RAB3GAP2: variants seen among roughly 807,000 people sequenced by gnomAD.
RAB3GAP2 encodes the protein RAB3 GTPase activating non-catalytic protein subunit 2.
Under a neutral mutation model 185.3 loss-of-function variants are expected in RAB3GAP2, and 87 were observed. That is an observed-to-expected ratio of 0.47 (90% CI 0.39 to 0.56). The LOEUF (loss-of-function observed/expected upper bound fraction) is 0.56. Among genes scored for constraint, RAB3GAP2 ranks in the 20% least tolerant of loss-of-function variants. The pLI, the probability that RAB3GAP2 is intolerant of heterozygous loss-of-function variation, is 0.00. For synonymous variants in RAB3GAP2, 554 were observed against 576.1 expected (o/e 0.96, Z 0.55); for missense variants, 1,492 against 1,638.2 (o/e 0.91, Z 1.54).
rs1343782054 is a variant in RAB3GAP2, at chr1:220,250,512, C to T, written c.116-17649G>A. 3.3e-5 allele frequency among the ~76,000 whole-genome samples: 5 copies of T among 152,120 alleles called. No individual in the cohort carries two copies. The East Asian group carries it at 9.6e-4, about 29-fold the overall frequency. ...TTGGACTTGAACATTTGAGTTAATG[C>T]TAAAATAAGTTAAGACTCTGGGGGA... is the stretch of plus-strand genomic sequence containing the variant. On this transcript the variant is annotated intron_variant, in intron 1 of 34. Transcript: ENST00000358951.
intron 2 of RAB3GAP2, among the ~76,000 whole-genome samples, chr1:220,216,638 A>C (rs538520211): frequency 1.3e-5 from 2 of 152,304 alleles, no homozygotes; most frequent in East Asian, 3.9e-4. Flanking sequence ...ATTGCTTTTG[A>C]TAAGAAATTA....
intron 1 of RAB3GAP2, among the ~76,000 whole-genome samples, chr1:220,260,744 CTTAAAAG>C (rs763536049): frequency 6.6e-5 from 10 of 152,108 alleles, no homozygotes; most frequent in Non-Finnish European, 1.3e-4. Flanking sequence ...CATCCCTGAA[CTTAAAAG>C]TTGAAGAAGA....
intron 1 of RAB3GAP2, chr1:220,267,792 C>T: frequency 6.8e-7 from 1 of 1,470,928 alleles, no homozygotes. Context: ...CTGAGCCTGG[C>T]CACTATTTGC....
At chr1:220,212,373 T>C (rs1340222104) in intron 4 of RAB3GAP2, among the ~76,000 whole-genome samples, 1 of 152,234 alleles carries the variant, frequency 6.6e-6, no homozygotes, top group African/African-American at 2.4e-5. Flanking sequence ...ACAGAATTTT[T>C]TAAAAACATA....
At chr1:220,261,988 T>C (rs1660145312) in intron 1 of RAB3GAP2, among the ~76,000 whole-genome samples, 1 of 151,962 alleles carries the variant, frequency 6.6e-6, no homozygotes, top group Non-Finnish European at 1.5e-5. Flanking sequence ...ATTTTGTATT[T>C]TGGTTAAAAA....
At chr1:220,229,438 A>G (rs1553280671) in intron 2 of RAB3GAP2, among the ~76,000 whole-genome samples, 1 of 152,218 alleles carries the variant, frequency 6.6e-6, no homozygotes. Context: ...ACCCCATTGC[A>G]TAGCACATTT....
chr1:220,239,050 C>T (rs1312345277), intron 1 of RAB3GAP2, among the ~76,000 whole-genome samples: 2 of 151,912 alleles, frequency 1.3e-5, no homozygotes, highest in African/African-American at 4.8e-5. Flanking sequence ...CCGCATATAC[C>T]CCCATAAAAG....
intron 8 of RAB3GAP2, among the ~76,000 whole-genome samples, chr1:220,202,901 C>T (rs1230640868): frequency 6.6e-6 from 1 of 152,174 alleles, no homozygotes; most frequent in African/African-American, 2.4e-5. Flanking sequence ...TGAGATCACG[C>T]CACTGCACTC....
chr1:220,204,974 A>G (rs941338487), intron 8 of RAB3GAP2, among the ~76,000 whole-genome samples: 14 of 151,560 alleles, frequency 9.2e-5, no homozygotes, highest in African/African-American at 3.4e-4. Flanking sequence ...TTCTTAATCC[A>G]GTCTATCATT....
At chr1:220,195,465 T>A in intron 10 of RAB3GAP2, 88 bp from the exon 11 acceptor site, 1 of 1,266,960 alleles carries the variant, frequency 7.9e-7, no homozygotes, top group Non-Finnish European at 1.2e-6. Flanking sequence ...TTAAAATGCT[T>A]TGAAAAGTTG....
At chr1:220,169,315 G>A (rs1159876441) in intron 24 of RAB3GAP2, among the ~76,000 whole-genome samples, 1 of 152,202 alleles carries the variant, frequency 6.6e-6, no homozygotes, top group Non-Finnish European at 1.5e-5. Flanking sequence ...AACTAAAAAT[G>A]TAAGATGTTT....
At chr1:220,173,288 A>C (rs1013547963) in intron 21 of RAB3GAP2, among the ~76,000 whole-genome samples, 3 of 152,258 alleles carry the variant, frequency 2.0e-5, no homozygotes, top group African/African-American at 7.2e-5. Context: ...TGACTTTTAA[A>C]ATGGCTGTAA....
intron 2 of RAB3GAP2, among the ~76,000 whole-genome samples, chr1:220,230,763 G>T (rs1162664187): frequency 6.6e-6 from 1 of 152,038 alleles, no homozygotes; most frequent in African/African-American, 2.4e-5. Context: ...AAAGAGAATG[G>T]CATCTATTAC....
intron 1 of RAB3GAP2, chr1:220,267,114 T>G: frequency 7.0e-7 from 1 of 1,423,246 alleles, no homozygotes; most frequent in Non-Finnish European, 9.9e-7. Flanking sequence ...TTTCAAGCTC[T>G]CCAGCTGATC....
chr1:220,254,883 A>C (rs1453839903), intron 1 of RAB3GAP2, among the ~76,000 whole-genome samples: 1 of 151,608 alleles, frequency 6.6e-6, no homozygotes, highest in East Asian at 1.9e-4. Context: ...CTATATGACA[A>C]AATGCTCTGA....
Position 220,184,899 on chromosome 1 carries a change from TA to T in RAB3GAP2, c.1871-737del, listed in dbSNP as rs1001707769. Among the ~76,000 whole-genome samples the T allele has an allele frequency of 2.7e-3, 407 of 148,088 alleles. 2 individuals carry two copies. Among genetic ancestry groups the T allele is most frequent in the Admixed American group, 5.9e-3 (87 of 14,818 alleles). The stretch of plus-strand genomic sequence containing the variant: ...GCCAATGTCAGTTTTATGTATCTGT[TA>T]AAAAAAAAAGGTTGAAAAAGAGTCT... On this transcript the variant is annotated intron_variant, in intron 18 of 34. Transcript: ENST00000358951.
chr1:220,229,168 A>G (rs186643171), intron 2 of RAB3GAP2, among the ~76,000 whole-genome samples: 24 of 152,350 alleles, frequency 1.6e-4, no homozygotes, highest in African/African-American at 5.5e-4. Flanking sequence ...CAGCTGCAAT[A>G]GTGGCACATC....
rs1657974887 is a variant in RAB3GAP2 at position 220,162,211 on chromosome 1, T to C, written c.3212A>G (p.Tyr1071Cys). 1 of 1,578,332 alleles carries C rather than the reference T, an allele frequency of 6.3e-7. No homozygotes were observed. The highest frequency in any genetic ancestry group is 8.7e-7 in the Non-Finnish European group (1 of 1,147,676). ...AAACTACCTTACCTTATCCATTAAGTATGTAGCAGCAGAAAATCTTTTAAC... is the reference window on the plus strand; with the variant it reads ...AAACTACCTTACCTTATCCATTAAGCATGTAGCAGCAGAAAATCTTTTAAC... ...FLVKRFSAATYLMDKVGKSPK... is the reference protein window; with the variant it reads ...FLVKRFSAATCLMDKVGKSPK... The change falls in exon 28 of 35, where the codon TAC becomes TGC. Residue 1071 changes from tyrosine (Y) to cysteine (C), a missense_variant. By Grantham distance (194) the Tyr-to-Cys change is radical. Around this residue, in one of 5 missense-constraint regions of RAB3GAP2, gnomAD observed 387 missense variants for 455.3 expected, o/e 0.85. Transcript: ENST00000358951.
At chr1:220,241,023 C>A (rs1443574334) in intron 1 of RAB3GAP2, among the ~76,000 whole-genome samples, 1 of 152,088 alleles carries the variant, frequency 6.6e-6, no homozygotes, top group South Asian at 2.1e-4. Context: ...TCAAACCATA[C>A]AGAAAACATA....
Sources: gnomAD v4.1 joint callset for allele counts (sites outside exome capture counted in the v4.1 genomes callset) on GRCh38, gnomAD v4.1.1 for gene constraint, gnomAD v4.1.1 regional missense constraint, MANE v1.5 for transcripts, NCBI Gene and HGNC (gene_info 2026-07-23, HGNC 2026-07-21) for gene names.